METTL9: variants seen among roughly 807,000 people sequenced by gnomAD.
METTL9 encodes the protein protein-L-histidine N-pros-methyltransferase.
Under a neutral mutation model 36.0 loss-of-function variants are expected in METTL9, and 10 were observed. The observed-to-expected ratio is 0.28, with a 90% CI of 0.17 to 0.47. The LOEUF (loss-of-function observed/expected upper bound fraction) is 0.47, where lower values mean the gene tolerates loss of function less well. Ranked by LOEUF, METTL9 falls within the 20% of genes least tolerant of loss-of-function variation. The pLI is 0.99. For missense variants in METTL9, 246 were observed against 383.5 expected (o/e 0.64, Z 3.00); for synonymous variants, 175 against 149.7 (o/e 1.17, Z -1.23).
intron 4 of METTL9, chr16:21,652,788 G>A: frequency 2.1e-6 from 1 of 486,764 alleles, no homozygotes; most frequent in South Asian, 4.1e-5. Context: ...ATTTAGAAAT[G>A]TGCATATCTT....
chr16:21,597,637 TTTGTCTCC>T (rs1254140648), upstream of METTL9, among the ~76,000 whole-genome samples: 3 of 152,160 alleles, frequency 2.0e-5, no homozygotes, highest in Non-Finnish European at 2.9e-5. Flanking sequence ...GGCATACCTT[TTTGTCTCC>T]TTTGTCTTCA....
rs576770595 is a variant in METTL9, at chr16:21,636,949, A to G, written c.751+11834A>G. 2.0e-5 allele frequency among the ~76,000 whole-genome samples: 3 copies of G among 152,276 alleles called. No individual in the cohort carries two copies. In the East Asian group the frequency reaches 5.8e-4, roughly 29 times the overall value. On this transcript the variant is annotated intron_variant, in intron 4 of 4. Coordinates refer to ENST00000358154, the MANE Select transcript of METTL9 (RefSeq NM_016025.5). ...TGATAGTCCCATCTGGGTCGCCAAA[A>G]TGTGTCTGGAATTGGTGGGTTCTTG... is the stretch of plus-strand genomic sequence containing the variant.
At chr16:21,613,841 T>G (rs998621745) in intron 2 of METTL9, among the ~76,000 whole-genome samples, 1 of 151,660 alleles carries the variant, frequency 6.6e-6, no homozygotes, top group African/African-American at 2.4e-5. Context: ...TTGTTTTTTT[T>G]TTTTTTCAAT....
intron 1 of METTL9, among the ~76,000 whole-genome samples, chr16:21,608,329 T>C (rs1965344242): frequency 6.6e-6 from 1 of 152,150 alleles, no homozygotes; most frequent in East Asian, 1.9e-4. Flanking sequence ...TGGTCCTTGG[T>C]ATTTCACCTT....
intron 1 of METTL9, among the ~76,000 whole-genome samples, chr16:21,603,657 C>T (rs1965198617): frequency 6.6e-6 from 1 of 152,110 alleles, no homozygotes; most frequent in Non-Finnish European, 1.5e-5. Flanking sequence ...GCTACTGAAA[C>T]TTTGAAAGGA....
Position 21,599,727 on chromosome 16 carries a change from GC to G in METTL9, c.-2del, listed in dbSNP as rs1198594830. 1.3e-6 allele frequency: 2 copies of G among 1,500,730 alleles called. No individual in the cohort carries two copies. The highest frequency in any genetic ancestry group is 2.8e-5 in the East Asian group (1 of 35,444). 93.0% of individuals were successfully genotyped at this position (1,500,730 alleles called of 1,614,324 possible). A position where few individuals can be genotyped will look rare whatever the true frequency, so the allele number is the denominator to read the frequency against. On this transcript the variant is annotated 5_prime_UTR_variant, in exon 1 of 5. Coordinates refer to ENST00000358154, the MANE Select transcript of METTL9 (RefSeq NM_016025.5). This position sits in a 1 kb window ranked among gnomAD's most constrained non-coding sequence, Gnocchi z 4.4. ...GCGGTGATCCGAGCGAGCGGCCGCG[GC>G]CCCCGATGAGACTGCTGGCGGGCTG...
intron 1 of METTL9, among the ~76,000 whole-genome samples, chr16:21,601,481 T>C (rs1965124738): frequency 6.6e-6 from 1 of 152,184 alleles, no homozygotes; most frequent in Non-Finnish European, 1.5e-5. Flanking sequence ...TTATCATGAT[T>C]ACCCCTACTG....
intron 4 of METTL9, among the ~76,000 whole-genome samples, chr16:21,633,795 C>T (rs1451150236): frequency 6.6e-6 from 1 of 152,138 alleles, no homozygotes. Flanking sequence ...TAACAGTATC[C>T]TGTAATCCTT....
intron 1 of METTL9, among the ~76,000 whole-genome samples, chr16:21,600,579 T>C (rs1271440712): frequency 1.3e-5 from 2 of 152,184 alleles, no homozygotes; most frequent in African/African-American, 4.8e-5. Context: ...AGGAAGATTA[T>C]GCAAGTTTTA....
In METTL9 at chr16:21,621,654, A is replaced by G. The variant is rs185055138; in HGVS notation, c.567-3277A>G. Reference sequence around the variant, plus strand: ...AGTTTCTGCATTTCAAAAATAGGTCAATAAACAGAAAATGGCCAGGTTTTT... The same window carrying G: ...AGTTTCTGCATTTCAAAAATAGGTCGATAAACAGAAAATGGCCAGGTTTTT... On this transcript the variant is annotated intron_variant, in intron 3 of 4. Transcript: ENST00000358154. Among the ~76,000 whole-genome samples, 406 of 152,154 alleles carry G rather than the reference A, an allele frequency of 2.7e-3. 1 individual carries two copies. Among genetic ancestry groups the G allele is most frequent in the Non-Finnish European group, 4.8e-3 (324 of 67,978 alleles).
Position 21,643,581 on chromosome 16 carries a change from T to C in METTL9, c.752-11646T>C, listed in dbSNP as rs781584064. 2.5e-6 allele frequency: 4 copies of C among 1,607,228 alleles called. No individual in the cohort carries two copies. The South Asian group carries it at 4.4e-5, about 18-fold the overall frequency. On this transcript the variant is annotated intron_variant, in intron 4 of 4. Transcript: ENST00000358154. ...AGTCTTCTTTTATTTCTTTGTTTCTTAGAGGGTTGGATTTTGACTGCCAAG... is the reference window on the plus strand; with the variant it reads ...AGTCTTCTTTTATTTCTTTGTTTCTCAGAGGGTTGGATTTTGACTGCCAAG...
intron 3 of METTL9, among the ~76,000 whole-genome samples, chr16:21,619,006 T>C (rs117789535): frequency 0.013 from 2,041 of 152,230 alleles, 31 homozygotes; most frequent in South Asian, 0.035. Context: ...CCCAAAATTT[T>C]CTTTAAGGAT....
At chr16:21,619,747 ATTC>A (rs1965648413) in intron 3 of METTL9, among the ~76,000 whole-genome samples, 3 of 152,034 alleles carry the variant, frequency 2.0e-5, no homozygotes, top group Non-Finnish European at 4.4e-5. Context: ...GAAGAAGGGT[ATTC>A]TTATTTCAGT....
chr16:21,621,730 AAC>A (rs1965699777), intron 3 of METTL9, among the ~76,000 whole-genome samples: 2 of 152,122 alleles, frequency 1.3e-5, no homozygotes, highest in Admixed American at 1.3e-4. Context: ...CCAATTGTAA[AAC>A]TAAAGGATGT....
intron 2 of METTL9, among the ~76,000 whole-genome samples, chr16:21,617,021 C>G (rs1403605579): frequency 6.6e-6 from 1 of 152,182 alleles, no homozygotes; most frequent in Non-Finnish European, 1.5e-5. Flanking sequence ...TTTCCCTCCT[C>G]CCATGCTTTT....
At chr16:21,604,614 T>A (rs547450807) in intron 1 of METTL9, among the ~76,000 whole-genome samples, 1 of 152,238 alleles carries the variant, frequency 6.6e-6, no homozygotes, top group South Asian at 2.1e-4. Flanking sequence ...GGGAAAATGG[T>A]GAATGGTCTG....
At chr16:21,606,246 A>G (rs1448700722) in intron 1 of METTL9, among the ~76,000 whole-genome samples, 6 of 152,164 alleles carry the variant, frequency 3.9e-5, no homozygotes, top group Non-Finnish European at 8.8e-5. Context: ...CTGAGGCAGG[A>G]GAATCGCTTG....
At chr16:21,633,567 C>T (rs1436428234) in intron 4 of METTL9, among the ~76,000 whole-genome samples, 1 of 152,088 alleles carries the variant, frequency 6.6e-6, no homozygotes, top group African/African-American at 2.4e-5. Flanking sequence ...AGAAGGCATC[C>T]TTGAGGTCCA....
intron 4 of METTL9, chr16:21,652,489 T>C: frequency 1.3e-6 from 2 of 1,483,828 alleles, no homozygotes; most frequent in Non-Finnish European, 1.9e-6. Flanking sequence ...AAAATAGCAG[T>C]TGATTTAAAT....
Sources: gnomAD v4.1 joint callset for allele counts (sites outside exome capture counted in the v4.1 genomes callset) on GRCh38, gnomAD v4.1.1 for gene constraint, Gnocchi (gnomAD v3.1) non-coding constraint, MANE v1.5 for transcripts, NCBI Gene and HGNC (gene_info 2026-07-23, HGNC 2026-07-21) for gene names.